The following IGSF11 variants were observed in gnomAD, a reference collection of about 807,000 sequenced individuals.
IGSF11 encodes the protein CXADR like 1.
IGSF11 carries 22 observed loss-of-function variants against 41.0 expected under a neutral mutation model. The ratio of observed to expected loss-of-function variants is 0.54; its 90% CI spans 0.38 to 0.77. IGSF11 has a LOEUF of 0.77. IGSF11 is among the 30% of genes least tolerant of loss of function. The pLI is 0.00. For synonymous variants in IGSF11, 219 were observed against 201.3 expected, an observed-to-expected ratio of 1.09 and a Z score of -0.74; for missense variants, 444 against 530.8, an observed-to-expected ratio of 0.84 and a Z score of 1.61.
chr3:119,007,548 C>G (rs1410834633), intron 1 of IGSF11, among the ~76,000 whole-genome samples: 2 of 152,156 alleles, frequency 1.3e-5, no homozygotes, highest in Admixed American at 6.5e-5. Context: ...TGGCAAACAC[C>G]TCATTTTTTA....
intron 1 of IGSF11, among the ~76,000 whole-genome samples, chr3:118,942,377 A>G (rs574103232): frequency 6.6e-6 from 1 of 152,250 alleles, no homozygotes; most frequent in South Asian, 2.1e-4. Flanking sequence ...CTACAACACT[A>G]CCATCCTGCA....
upstream of IGSF11, among the ~76,000 whole-genome samples, chr3:119,037,974 T>G (rs1443556821): frequency 6.6e-6 from 1 of 152,216 alleles, no homozygotes; most frequent in Non-Finnish European, 1.5e-5. Context: ...AGAACATTAT[T>G]CTTAAAGTTA....
intron 1 of IGSF11, chr3:119,012,647 T>G (rs529465009): frequency 6.6e-6 from 1 of 152,344 alleles, no homozygotes; most frequent in South Asian, 2.1e-4. Context: ...TTTTTTCCCT[T>G]CATACATTTC....
At chr3:119,072,106 G>T (rs2076409719) in intron 1 of IGSF11, among the ~76,000 whole-genome samples, 1 of 152,110 alleles carries the variant, frequency 6.6e-6, no homozygotes, top group African/African-American at 2.4e-5. Context: ...TTTCCATAAG[G>T]TCTGGCTATA....
chr3:118,902,899 G>T lies in IGSF11; in HGVS notation c.917C>A (p.Ser306Ter). The part of the protein sequence containing the change: ...AKAFHTEISS[S>*]DNNTLTSSNA... ...GGAAGAGGTTAGTGTGTTGTTGTCC[G>T]AGGAGGAAATCTCAGTGTGAAATGC... is the stretch of plus-strand genomic sequence containing the variant. Residue 306 changes from serine (S) to a stop codon, truncating the protein, a stop_gained, in exon 7 of 7, where the codon TCG (serine) becomes TAG (stop). Coordinates refer to ENST00000393775, the MANE Select transcript of IGSF11 (RefSeq NM_001015887.3). LOFTEE classifies it high-confidence loss of function. 1.2e-6 allele frequency: 2 copies of T among 1,614,126 alleles called. No individual in the cohort carries two copies. Among genetic ancestry groups the T allele is most frequent in the Non-Finnish European group, 1.7e-6 (2 of 1,179,966 alleles).
chr3:119,003,386 G>A (rs1937111596), intron 1 of IGSF11, among the ~76,000 whole-genome samples: 1 of 149,548 alleles, frequency 6.7e-6, no homozygotes, highest in Non-Finnish European at 1.5e-5. Flanking sequence ...GAGACGATGG[G>A]GTTTTCCAGA....
intron 3 of IGSF11, among the ~76,000 whole-genome samples, chr3:118,926,894 GA>G (rs925838351): frequency 3.9e-5 from 6 of 151,988 alleles, no homozygotes; most frequent in Non-Finnish European, 5.9e-5. Context: ...TAGTAACAAG[GA>G]AAAAAACAAA....
chr3:119,005,884 G>T (rs1244985953), intron 1 of IGSF11, among the ~76,000 whole-genome samples: 1 of 134,044 alleles, frequency 7.5e-6, no homozygotes, highest in Non-Finnish European at 1.5e-5. Context: ...TTTCTCTCTG[G>T]CTGCCCTTAA....
At chr3:118,903,078 G>A in intron 6 of IGSF11, 117 bp from the exon 7 acceptor site, 1 of 940,474 alleles carries the variant, frequency 1.1e-6, no homozygotes, top group Non-Finnish European at 1.6e-6. Context: ...AAATCCAGGA[G>A]AGACTACTCT....
chr3:119,047,756 T>C (rs1463839800), intron 1 of IGSF11, among the ~76,000 whole-genome samples: 1 of 151,992 alleles, frequency 6.6e-6, no homozygotes, highest in Non-Finnish European at 1.5e-5. Flanking sequence ...AGTAAAGCTC[T>C]CCTCAGCAAA....
At chr3:119,042,322 C>T (rs546215603) in intron 1 of IGSF11, among the ~76,000 whole-genome samples, 29 of 152,166 alleles carry the variant, frequency 1.9e-4, no homozygotes, top group Non-Finnish European at 3.4e-4. Context: ...CAGGGAGGGG[C>T]GAAGCCTGAG....
At chr3:119,047,625 C>T (rs1284520122) in intron 1 of IGSF11, among the ~76,000 whole-genome samples, 1 of 152,146 alleles carries the variant, frequency 6.6e-6, no homozygotes, top group Non-Finnish European at 1.5e-5. Flanking sequence ...AGGAATTGAA[C>T]TCAGCTCTGC....
chr3:119,048,638 C>A (rs2107427270), intron 1 of IGSF11, among the ~76,000 whole-genome samples: 1 of 152,136 alleles, frequency 6.6e-6, no homozygotes, highest in East Asian at 1.9e-4. Context: ...TACTCCCTAA[C>A]TCATTTTATG....
At chr3:118,979,975 C>T (rs924104866) in intron 1 of IGSF11, among the ~76,000 whole-genome samples, 1 of 152,108 alleles carries the variant, frequency 6.6e-6, no homozygotes, top group Non-Finnish European at 1.5e-5. Flanking sequence ...CATCTTACTC[C>T]AGTTGGAATG....
intron 1 of IGSF11, among the ~76,000 whole-genome samples, chr3:118,990,522 T>C (rs1935692621): frequency 1.3e-5 from 2 of 152,162 alleles, no homozygotes; most frequent in African/African-American, 4.8e-5. Flanking sequence ...GAGATAGACC[T>C]GGGAATGAAA....
intron 1 of IGSF11, among the ~76,000 whole-genome samples, chr3:119,143,791 C>A (rs1176019668): frequency 1.3e-5 from 2 of 151,912 alleles, no homozygotes; most frequent in African/African-American, 4.8e-5. Flanking sequence ...AAATAATAAC[C>A]AAAAGAGAGC....
intron 4 of IGSF11, among the ~76,000 whole-genome samples, chr3:118,908,035 TTTG>T (rs758784740): frequency 5.3e-5 from 8 of 152,180 alleles, no homozygotes; most frequent in Non-Finnish European, 7.4e-5. Flanking sequence ...TCCTGGGGTT[TTTG>T]TTGTTGTTGT....
intron 1 of IGSF11, among the ~76,000 whole-genome samples, chr3:118,959,446 A>G (rs1189645221): frequency 6.6e-6 from 1 of 152,258 alleles, no homozygotes; most frequent in African/African-American, 2.4e-5. Flanking sequence ...CGAAACTCCA[A>G]TAAATGCCTT....
chr3:119,077,060 C>T (rs1479612543), intron 1 of IGSF11, among the ~76,000 whole-genome samples: 3 of 152,160 alleles, frequency 2.0e-5, no homozygotes, highest in African/African-American at 4.8e-5. Flanking sequence ...AAATGTGGCA[C>T]ATATACACCA....
Sources: gnomAD v4.1 joint callset for allele counts (sites outside exome capture counted in the v4.1 genomes callset) on GRCh38, gnomAD v4.1.1 for gene constraint, MANE v1.5 for transcripts, NCBI Gene and HGNC (gene_info 2026-07-23, HGNC 2026-07-21) for gene names.